TRIM54: variants seen among roughly 807,000 people sequenced by gnomAD.
TRIM54 encodes tripartite motif containing 54, also known as tripartite motif-containing protein 54.
In TRIM54, 40 loss-of-function variants were observed where a neutral mutation model predicts 42.0. The observed-to-expected ratio is 0.95, with a 90% CI of 0.74 to 1.24. The LOEUF is 1.24. Ranked by LOEUF, TRIM54 falls within the 50% of genes most tolerant of loss-of-function variation. TRIM54 has a pLI of 0.00. For missense variants in TRIM54, 485 were observed against 480.3 expected, an observed-to-expected ratio of 1.01 and a Z score of -0.09; for synonymous variants, 199 against 194.9, an observed-to-expected ratio of 1.02 and a Z score of -0.17.
chr2:27,282,869 G>A lies in TRIM54; in HGVS notation c.138G>A (p.Leu46=), dbSNP rs566059361. 336 of 1,613,676 alleles carry A rather than the reference G, an allele frequency of 2.1e-4. 6 individuals are homozygous for A. The South Asian group carries it at 3.5e-3, about 17-fold the overall frequency. ...PVVILPCQHN[L]CRKCANDVFQ... ...TGATCCTGCCCTGCCAACACAACCTGTGCCGCAAATGTGCCAACGACGTCT... is the reference window on the plus strand; with the variant it reads ...TGATCCTGCCCTGCCAACACAACCTATGCCGCAAATGTGCCAACGACGTCT... Residue 46 remains leucine (L), a synonymous_variant, in exon 1 of 9, where the codon CTG becomes CTA. Transcript: ENST00000380075.
chr2:27,301,120 G>A (rs1374223989), intron 3 of TRIM54, among the ~76,000 whole-genome samples: 1 of 151,520 alleles, frequency 6.6e-6, no homozygotes, highest in African/African-American at 2.4e-5. Flanking sequence ...AGCCCCTAGG[G>A]CTGCTGGTTG....
Position 27,298,529 on chromosome 2 carries a change from TC to T in TRIM54, c.169-34del, listed in dbSNP as rs751626801. 1.9e-6 allele frequency: 3 copies of T among 1,579,736 alleles called. No homozygotes were observed. In the South Asian group the frequency reaches 3.4e-5, roughly 18 times the overall value. ...TGCCTCCTCCGAGTCCCTTCATGCC[TC>T]CCCGTGCCTGTTCTCTCAAGCCATC... On this transcript the variant is annotated intron_variant, in intron 1 of 8. Coordinates refer to ENST00000380075, the MANE Select transcript of TRIM54 (RefSeq NM_187841.3).
At position 27,306,638 on chromosome 2, in the gene TRIM54, C is replaced by A; in HGVS notation, c.*1+96C>A. 2 of 1,266,532 alleles carry A rather than the reference C, an allele frequency of 1.6e-6. No individual in the cohort carries two copies. The highest frequency in any genetic ancestry group is 1.1e-6 in the Non-Finnish European group (1 of 931,536). 78.5% of individuals were successfully genotyped at this position (1,266,532 alleles called of 1,614,324 possible). A position where few individuals can be genotyped will look rare whatever the true frequency, so the allele number is the denominator to read the frequency against. ...CTCGCGTCCCCTCCCCCAGTGATTGCCCTCCCTGCGGGTAGCGTGGAGCCC... is the reference window on the plus strand; with the variant it reads ...CTCGCGTCCCCTCCCCCAGTGATTGACCTCCCTGCGGGTAGCGTGGAGCCC... On this transcript the variant is annotated intron_variant, in intron 8 of 8. Transcript: ENST00000380075. The surrounding 1 kb of genome is among the most constrained non-coding windows in gnomAD (Gnocchi z 6.1).
In TRIM54 at chr2:27,298,598, C is replaced by T; in HGVS notation, c.200C>T (p.Ser67Phe). Residue 67 changes from serine to phenylalanine, a missense_variant, in exon 2 of 9, where the codon TCC becomes TTC. Transcript: ENST00000380075. ...AATCCTCTATGGCAGTCCCGGGGCT[C>T]CACCACTGTGTCTTCAGGAGGCCGT... The part of the protein sequence containing the change: ...ASNPLWQSRG[S>F]TTVSSGGRFR... The T allele has an allele frequency of 6.2e-7, 1 of 1,614,124 alleles. No individual in the cohort carries two copies. Among genetic ancestry groups the T allele is most frequent in the East Asian group, 2.2e-5 (1 of 44,880 alleles).
At chr2:27,295,700 G>A (rs912472763) in intron 1 of TRIM54, among the ~76,000 whole-genome samples, 15 of 152,118 alleles carry the variant, frequency 9.9e-5, no homozygotes, top group African/African-American at 2.9e-4. Flanking sequence ...TGGGGAGAGC[G>A]GCTGCCCAAG....
rs890249315 is a variant in TRIM54 at position 27,307,121 on chromosome 2, A to G, written c.*236A>G. The stretch of plus-strand genomic sequence containing the variant: ...TGAGACCGTCTGGGGGGCGGAAGCC[A>G]AATGAACCCCTATTGGGCACCTCTG... On this transcript the variant is annotated 3_prime_UTR_variant, in exon 9 of 9. Transcript: ENST00000380075. This position sits in a 1 kb window ranked among gnomAD's most constrained non-coding sequence, Gnocchi z 6.9. The G allele has an allele frequency of 8.0e-6, 2 of 250,604 alleles. No individual in the cohort carries two copies. Among genetic ancestry groups the G allele is most frequent in the African/African-American group, 4.6e-5 (2 of 43,050 alleles). The allele number at this position is 250,604 out of a possible 1,614,324, so 15.5% of individuals were successfully genotyped here. A position where few individuals can be genotyped will look rare whatever the true frequency, so the allele number is the denominator to read the frequency against.
At chr2:27,301,754 C>T in intron 3 of TRIM54, among the ~76,000 whole-genome samples, 1 of 152,120 alleles carries the variant, frequency 6.6e-6, no homozygotes, top group Admixed American at 6.6e-5. Context: ...GGGAATGCAG[C>T]CCAGTAGGTC....
chr2:27,294,390 G>A (rs1678808155), intron 1 of TRIM54, among the ~76,000 whole-genome samples: 1 of 151,976 alleles, frequency 6.6e-6, no homozygotes, highest in African/African-American at 2.4e-5. Context: ...CAAAGTGTTG[G>A]GATTACAGTC....
chr2:27,305,155 C>A, intron 4 of TRIM54, 101 bp downstream of exon 4: 1 of 1,042,688 alleles, frequency 9.6e-7, no homozygotes, highest in Non-Finnish European at 1.4e-6. Context: ...CCAAACTGGT[C>A]TGAAAGTTTC....
Position 27,298,561 on chromosome 2 carries a change from C to G in TRIM54, c.169-6C>G. The G allele has an allele frequency of 6.2e-7, 1 of 1,611,816 alleles. No homozygotes were observed. The highest frequency in any genetic ancestry group is 8.5e-7 in the Non-Finnish European group (1 of 1,178,456). On this transcript the variant is annotated splice_region_variant and splice_polypyrimidine_tract_variant and intron_variant, in intron 1 of 8. Coordinates refer to ENST00000380075, the MANE Select transcript of TRIM54 (RefSeq NM_187841.3). ...GCCTGTTCTCTCAAGCCATCTGTCCCTGCAGGCCTCGAATCCTCTATGGCA... is the reference window on the plus strand; with the variant it reads ...GCCTGTTCTCTCAAGCCATCTGTCCGTGCAGGCCTCGAATCCTCTATGGCA...
intron 1 of TRIM54, among the ~76,000 whole-genome samples, chr2:27,285,575 A>C (rs1159476198): frequency 6.6e-6 from 1 of 152,170 alleles, no homozygotes; most frequent in East Asian, 1.9e-4. Flanking sequence ...ACTATTACCA[A>C]CTTTCTTGGG....
At chr2:27,288,012 G>A (rs1453074678) in intron 1 of TRIM54, among the ~76,000 whole-genome samples, 1 of 152,186 alleles carries the variant, frequency 6.6e-6, no homozygotes, top group African/African-American at 2.4e-5. Context: ...AGCCCCTTGG[G>A]CCAAGCTCTT....
Position 27,282,493 on chromosome 2 carries a change from G to A in TRIM54, c.-239G>A, listed in dbSNP as rs1337436824. The A allele has an allele frequency of 5.8e-6, 2 of 347,226 alleles. No individual in the cohort carries two copies. The highest frequency in any genetic ancestry group is 1.0e-5 in the Non-Finnish European group (2 of 193,062). The allele number at this position is 347,226 out of a possible 1,614,324, so 21.5% of individuals were successfully genotyped here. ...TGGGAAACAAAAGGAGAATTTTACA[G>A]AGAGAGAGGGATAGCTAAAACTACG... On this transcript the variant is annotated 5_prime_UTR_variant, in exon 1 of 9. Transcript: ENST00000380075.
chr2:27,283,784 G>GCGCA (rs367621533), intron 1 of TRIM54, among the ~76,000 whole-genome samples: 1,654 of 132,178 alleles, frequency 0.013, 20 homozygotes, highest in Non-Finnish European at 0.019. Flanking sequence ...ACACACGCGC[G>GCGCA]CACACACACA....
chr2:27,286,141 C>A (rs1423416196), intron 1 of TRIM54, among the ~76,000 whole-genome samples: 1 of 151,464 alleles, frequency 6.6e-6, no homozygotes, highest in Non-Finnish European at 1.5e-5. Flanking sequence ...CTCCCCAACA[C>A]AGTTATTTTT....
intron 1 of TRIM54, among the ~76,000 whole-genome samples, chr2:27,286,326 A>T (rs1678557988): frequency 6.6e-6 from 1 of 152,072 alleles, no homozygotes; most frequent in Non-Finnish European, 1.5e-5. Flanking sequence ...ATTTTTACAT[A>T]GTGGCCATCT....
intron 1 of TRIM54, among the ~76,000 whole-genome samples, chr2:27,288,553 A>G (rs1343889801): frequency 6.6e-6 from 1 of 152,210 alleles, no homozygotes; most frequent in Non-Finnish European, 1.5e-5. Flanking sequence ...TATCCTTCAC[A>G]GTGGAGAAAG....
rs759815366 is a variant in TRIM54 at position 27,282,698 on chromosome 2, A to G, written c.-34A>G. ...CTACAGGCAGTGAGTGAAGGCCAGG[A>G]GCAGGGCCCAGGCCAGGCACGACCA... On this transcript the variant is annotated 5_prime_UTR_variant, in exon 1 of 9. Coordinates refer to ENST00000380075, the MANE Select transcript of TRIM54 (RefSeq NM_187841.3). 1 of 1,589,392 alleles carries G rather than the reference A, an allele frequency of 6.3e-7. No individual in the cohort carries two copies.
At position 27,305,676 on chromosome 2, in the gene TRIM54, G is replaced by A. The variant is rs747139931; in HGVS notation, c.702G>A (p.Ala234=). Residue 234 remains alanine (A), a synonymous_variant, in exon 5 of 9, where the codon GCG becomes GCA. Transcript: ENST00000380075. ...LEERKGELLQ[A]LAREQEEKLQ... ...AGCGCAAGGGTGAGCTGCTGCAGGC[G>A]CTGGCCCGGGAGCAAGAGGAGAAGC... The A allele has an allele frequency of 5.2e-5, 84 of 1,613,022 alleles. No homozygotes were observed. Among genetic ancestry groups the A allele is most frequent in the Middle Eastern group, 1.6e-4 (1 of 6,072 alleles).
Sources: allele counts gnomAD v4.1 joint callset (sites outside exome capture counted in the v4.1 genomes callset), GRCh38; gene constraint gnomAD v4.1.1; non-coding constraint Gnocchi (gnomAD v3.1); transcripts MANE v1.5; gene names NCBI Gene and HGNC (gene_info 2026-07-23, HGNC 2026-07-21).